Variants in NRBP1 observed in about 807,000 individuals in gnomAD.
NRBP1 encodes nuclear receptor binding protein 1.
Under a neutral mutation model 76.0 loss-of-function variants are expected in NRBP1, and 10 were observed. That is an observed-to-expected ratio of 0.13 (90% CI 0.08 to 0.22). The LOEUF is 0.22. NRBP1 is among the 10% of genes least tolerant of loss of function. The pLI is 1.00. For missense variants in NRBP1, 344 were observed against 646.0 expected, an observed-to-expected ratio of 0.53 and a Z score of 5.07; for synonymous variants, 235 against 240.2, an observed-to-expected ratio of 0.98 and a Z score of 0.20.
In NRBP1 at chr2:27,441,756, T is replaced by A. The variant is rs1208451074; in HGVS notation, c.1552T>A (p.Phe518Ile). The change falls in exon 18 of 18, where the codon TTC becomes ATC. Residue 518 changes from phenylalanine to isoleucine, a missense_variant. Physicochemically the swap from Phe to Ile is conservative, Grantham distance 21. Transcript: ENST00000379852. ...TSLLEETLNK[F>I]NFARNSTLNS... Reference sequence around the variant, plus strand: ...TCTGCTAGAAGAGACCTTGAACAAGTTCAATTTTGCCAGGAACAGTACCCT... The same window carrying A: ...TCTGCTAGAAGAGACCTTGAACAAGATCAATTTTGCCAGGAACAGTACCCT... The A allele has an allele frequency of 6.8e-6, 11 of 1,613,746 alleles. No individual in the cohort carries two copies. The highest frequency in any genetic ancestry group is 9.3e-6 in the Non-Finnish European group (11 of 1,179,948).
upstream of NRBP1, chr2:27,428,369 G>T: frequency 3.0e-6 from 1 of 329,418 alleles, no homozygotes. Flanking sequence ...CCCTCTCTGC[G>T]TCCAGCAGAA....
chr2:27,432,622 T>C (rs1221800594), intron 1 of NRBP1, among the ~76,000 whole-genome samples: 1 of 152,146 alleles, frequency 6.6e-6, no homozygotes, highest in African/African-American at 2.4e-5. Context: ...CTCCCTCTGT[T>C]GCCTAGCCAA....
In NRBP1 at chr2:27,441,821, C is replaced by A. The variant is rs375675632; in HGVS notation, c.*9C>A. On this transcript the variant is annotated 3_prime_UTR_variant, in exon 18 of 18. Transcript: ENST00000379852. ...TCACCGTCTCCTCTTAGAGCTCACT[C>A]GGGCCAGGCCCTGATCTGCGCTGTG... The A allele has an allele frequency of 6.4e-6, 10 of 1,573,456 alleles. No homozygotes were observed. The African/African-American group carries it at 1.3e-4, about 21-fold the overall frequency.
intron 16 of NRBP1, 110 bp from the exon 17 acceptor site, chr2:27,441,457 C>A: frequency 6.9e-7 from 1 of 1,450,652 alleles, no homozygotes; most frequent in Non-Finnish European, 9.7e-7. Context: ...ATCTTAGACC[C>A]TAAAGCAGTG....
chr2:27,428,600 C>G (rs2148441062), upstream of NRBP1: 2 of 397,654 alleles, frequency 5.0e-6, no homozygotes, highest in East Asian at 7.1e-5. Flanking sequence ...CATCGTTGGT[C>G]CGGGCGCCGC....
intron 6 of NRBP1, 80 bp from the exon 7 acceptor site, chr2:27,435,053 G>A: frequency 1.3e-6 from 1 of 798,274 alleles, no homozygotes; most frequent in South Asian, 1.5e-5. Context: ...AGGAGACCTG[G>A]CCCTTGCTCC....
At chr2:27,441,066 C>T (rs746492586) in intron 14 of NRBP1, 61 bp from the exon 15 acceptor site, 20 of 1,609,290 alleles carry the variant, frequency 1.2e-5, no homozygotes, top group Middle Eastern at 2.2e-4. Context: ...GCTCGAAAGA[C>T]GTCTAGGTAT....
intron 11 of NRBP1, 93 bp downstream of exon 11, chr2:27,439,991 GATTCTTTTTTTTTTT>G: frequency 1.7e-5 from 6 of 356,800 alleles, no homozygotes; most frequent in African/African-American, 5.6e-5. Context: ...TTTCCAAAGG[GATTCTTTTTTTTTTT>G]TTTTTTTTTT....
In NRBP1 at chr2:27,440,702, G is replaced by C. The variant is rs1664506192; in HGVS notation, c.1193G>C (p.Arg398Thr). ...LELDKFLEDV[R>T]NGIYPLTAFG... is the part of the protein sequence containing the mutation. The stretch of plus-strand genomic sequence containing the variant: ...TTAGATAAATTCCTTGAAGATGTCA[G>C]GTGAGAGCAGAGTGAGAAGCAGGCT... The change falls in exon 13 of 18, where the codon AGG becomes ACG. Residue 398 changes from arginine (R) to threonine (T), a missense_variant and splice_region_variant. By Grantham distance (71) the Arg-to-Thr change is moderately conservative. This residue lies in a region of NRBP1 where 218 missense variants were observed against 309.8 expected (regional missense o/e 0.70). Transcript: ENST00000379852. 6.2e-7 allele frequency: 1 copy of C among 1,614,126 alleles called. No individual in the cohort carries two copies. The highest frequency in any genetic ancestry group is 1.3e-5 in the African/African-American group (1 of 74,952).
rs978792849 is a variant in NRBP1, at chr2:27,436,642, G to T, written c.662-111G>T. The stretch of plus-strand genomic sequence containing the variant: ...GGGAATATGTTTGTGCCTGTTGAGG[G>T]TCATCAGAAAGGAGACTTCAGGAGA... On this transcript the variant is annotated intron_variant, in intron 7 of 17. Coordinates refer to ENST00000379852, the MANE Select transcript of NRBP1 (RefSeq NM_013392.4). 3 of 828,488 alleles carry T rather than the reference G, an allele frequency of 3.6e-6. No individual in the cohort carries two copies. In the Admixed American group the frequency reaches 5.7e-5, roughly 16 times the overall value. The allele number at this position is 828,488 out of a possible 1,614,324, so 51.3% of individuals were successfully genotyped here. A position where few individuals can be genotyped will look rare whatever the true frequency, so the allele number is the denominator to read the frequency against.
chr2:27,438,399 G>A (rs932852383), intron 10 of NRBP1, among the ~76,000 whole-genome samples: 2 of 152,184 alleles, frequency 1.3e-5, no homozygotes, highest in African/African-American at 4.8e-5. Context: ...AAAGACATAA[G>A]GTTATGAATC....
intron 1 of NRBP1, chr2:27,431,775 T>G (rs1229158025): frequency 6.6e-6 from 1 of 152,302 alleles, no homozygotes; most frequent in Non-Finnish European, 1.5e-5. Flanking sequence ...GTGCTACAGG[T>G]CTAGCCTTAA....
At chr2:27,429,926 C>G (rs1393067959) in intron 1 of NRBP1, among the ~76,000 whole-genome samples, 1 of 152,108 alleles carries the variant, frequency 6.6e-6, no homozygotes, top group Non-Finnish European at 1.5e-5. Flanking sequence ...TTTAGTTGTT[C>G]AGATTTTAGA....
rs1379554147 is a variant in NRBP1 at position 27,435,232 on chromosome 2, G to A, written c.661+5G>A. 1 of 1,613,166 alleles carries A rather than the reference G, an allele frequency of 6.2e-7. No homozygotes were observed. The highest frequency in any genetic ancestry group is 8.5e-7 in the Non-Finnish European group (1 of 1,179,312). ...GACTCATCAAGATTGGCTCTGGTGA[G>A]GGGAGGGAGAGGTTCTGGGCAGGGG... On this transcript the variant is annotated splice_donor_5th_base_variant and intron_variant, in intron 7 of 17. Transcript: ENST00000379852.
intron 7 of NRBP1, chr2:27,436,502 A>G (rs1009068802): frequency 1.6e-5 from 8 of 485,950 alleles, no homozygotes; most frequent in African/African-American, 1.6e-4. Flanking sequence ...GTATCTGTTA[A>G]TTTAGTCTGG....
At chr2:27,430,644 A>G (rs756543877) in intron 1 of NRBP1, among the ~76,000 whole-genome samples, 34 of 151,552 alleles carry the variant, frequency 2.2e-4, no homozygotes, top group South Asian at 4.2e-4. Flanking sequence ...TAATTTTTGT[A>G]TATTTTTGTA....
chr2:27,432,799 A>T (rs1310263014), intron 1 of NRBP1, among the ~76,000 whole-genome samples: 4 of 152,060 alleles, frequency 2.6e-5, no homozygotes, highest in Non-Finnish European at 5.9e-5. Flanking sequence ...CTGGTCTCAA[A>T]CACCTGGCCT....
intron 2 of NRBP1, 79 bp downstream of exon 2, chr2:27,433,562 GCCAA>G: frequency 6.2e-7 from 1 of 1,601,632 alleles, no homozygotes; most frequent in Middle Eastern, 1.7e-4. Context: ...CTTAAAAGAG[GCCAA>G]CCAAACTTCA....
chr2:27,433,408 A>G lies in NRBP1; in HGVS notation c.135A>G (p.Glu45=). ...TSTTSAASPE[E]EEESEDESEI... is the part of the protein sequence containing the mutation. The stretch of plus-strand genomic sequence containing the variant: ...CAACCTCAGCTGCTTCCCCAGAGGA[A>G]GAAGAAGAAAGTGAAGATGAGTCTG... Residue 45 remains glutamate (E), a synonymous_variant, in exon 2 of 18, where the codon GAA becomes GAG. Transcript: ENST00000379852. 1 of 1,614,184 alleles carries G rather than the reference A, an allele frequency of 6.2e-7. No individual in the cohort carries two copies. The highest frequency in any genetic ancestry group is 1.6e-4 in the Middle Eastern group (1 of 6,062).
Sources: gnomAD v4.1 joint callset for allele counts (sites outside exome capture counted in the v4.1 genomes callset) on GRCh38, gnomAD v4.1.1 for gene constraint, gnomAD v4.1.1 regional missense constraint, MANE v1.5 for transcripts, NCBI Gene and HGNC (gene_info 2026-07-23, HGNC 2026-07-21) for gene names.